The following WNK1 variants were observed in gnomAD, a reference collection of about 807,000 sequenced individuals.
WNK1 encodes the protein serine/threonine-protein kinase WNK1.
WNK1 carries 38 observed loss-of-function variants against 222.8 expected under a neutral mutation model. That is an observed-to-expected ratio of 0.17 (90% CI 0.13 to 0.22). WNK1 has a LOEUF of 0.22. Among genes scored for constraint, WNK1 ranks in the 10% least tolerant of loss-of-function variants. The probability of loss-of-function intolerance (pLI) is 1.00; values close to 1 mark genes in which losing one functional copy is unlikely to be tolerated. For synonymous variants in WNK1, 1,090 were observed against 1,092.9 expected (o/e 1.00, Z 0.05); for missense variants, 2,348 against 2,918.4 (o/e 0.80, Z 4.50).
chr12:849,875 T>C (rs1950294185), intron 4 of WNK1, among the ~76,000 whole-genome samples: 1 of 152,082 alleles, frequency 6.6e-6, no homozygotes, highest in South Asian at 2.1e-4. Context: ...GCTTCATCCA[T>C]GTCCCTACAA....
intron 1 of WNK1, among the ~76,000 whole-genome samples, chr12:765,657 A>G (rs1028831022): frequency 3.9e-5 from 6 of 152,140 alleles, no homozygotes; most frequent in African/African-American, 9.7e-5. Flanking sequence ...AGGACTGTGC[A>G]TGGTGGCTCA....
At chr12:781,111 A>G (rs576447051) in intron 1 of WNK1, 2 of 154,866 alleles carry the variant, frequency 1.3e-5, no homozygotes, top group South Asian at 3.6e-4. Flanking sequence ...AACAACAACA[A>G]CAACAACAAC....
intron 1 of WNK1, among the ~76,000 whole-genome samples, chr12:791,576 T>A (rs1043281434): frequency 6.7e-6 from 1 of 150,126 alleles, no homozygotes; most frequent in African/African-American, 2.4e-5. Flanking sequence ...AAAAAAAAAC[T>A]ACATTTCCTA....
chr12:857,351 TG>T (rs1950864301), intron 5 of WNK1, 102 bp downstream of exon 5: 1 of 1,104,204 alleles, frequency 9.1e-7, no homozygotes, highest in Non-Finnish European at 1.4e-6. Context: ...TATTTGTGAT[TG>T]GTTTCTCTAT....
At chr12:813,404 A>C (rs1226880247) in intron 1 of WNK1, among the ~76,000 whole-genome samples, 5 of 152,238 alleles carry the variant, frequency 3.3e-5, no homozygotes, top group African/African-American at 1.2e-4. Context: ...TGGATATGGA[A>C]AGTTAACTGC....
intron 8 of WNK1, among the ~76,000 whole-genome samples, chr12:865,642 A>G (rs1017195175): frequency 1.3e-5 from 2 of 152,206 alleles, no homozygotes; most frequent in Non-Finnish European, 2.9e-5. Context: ...CCTGTTTCCT[A>G]TCGACATAAA....
Position 884,085 on chromosome 12 carries a change from C to T in WNK1, c.3722-36C>T. ...TCTAACAATATTTATAATAATAATG[C>T]TATTAAGTTACGTTTGTTTGTTTGT... On this transcript the variant is annotated intron_variant, in intron 17 of 27. Transcript: ENST00000315939. This position sits in a 1 kb window ranked among gnomAD's most constrained non-coding sequence, Gnocchi z 5.6. The T allele has an allele frequency of 6.2e-7, 1 of 1,613,282 alleles. No individual in the cohort carries two copies. The highest frequency in any genetic ancestry group is 8.5e-7 in the Non-Finnish European group (1 of 1,179,480).
intron 1 of WNK1, among the ~76,000 whole-genome samples, chr12:780,173 G>T (rs556685379): frequency 6.6e-6 from 1 of 152,112 alleles, no homozygotes; most frequent in Non-Finnish European, 1.5e-5. Context: ...GTCTAATTCC[G>T]TTTTAACTTC....
Position 753,406 on chromosome 12 carries a change from C to T in WNK1, c.-160C>T, listed in dbSNP as rs1000764487. On this transcript the variant is annotated 5_prime_UTR_variant, in exon 1 of 28. Transcript: ENST00000315939. The surrounding 1 kb of genome is among the most constrained non-coding windows in gnomAD (Gnocchi z 5.2). ...CAGCTGGGCCCAGCGGTCCGCCTGT[C>T]CCTCGTTGCGGCTTGTCGGTGCTGA... 8.7e-6 allele frequency: 8 copies of T among 920,064 alleles called. No individual in the cohort carries two copies. The Middle Eastern group carries it at 1.3e-3, about 154-fold the overall frequency. The allele number at this position is 920,064 out of a possible 1,614,324, so 57.0% of individuals were successfully genotyped here. A position where few individuals can be genotyped will look rare whatever the true frequency, so the allele number is the denominator to read the frequency against.
chr12:896,511 T>C lies in WNK1; in HGVS notation c.6024T>C (p.Asn2008=). 6.2e-7 allele frequency: 1 copy of C among 1,613,746 alleles called. No homozygotes were observed. Among genetic ancestry groups the C allele is most frequent in the Non-Finnish European group, 8.5e-7 (1 of 1,179,952 alleles). The change falls in exon 24 of 28, where the codon AAT becomes AAC. Residue 2008 remains asparagine, a synonymous_variant. Coordinates refer to ENST00000315939, the MANE Select transcript of WNK1 (RefSeq NM_018979.4). ...KPELSEPSHL[N]GPSSDPEAAF... The stretch of plus-strand genomic sequence containing the variant: ...AACTGTCAGAGCCTTCACATCTAAA[T>C]GGGCCGTCTTCTGACCCGGAGGCCG...
chr12:805,603 G>A (rs929591844), intron 1 of WNK1, among the ~76,000 whole-genome samples: 3 of 152,256 alleles, frequency 2.0e-5, no homozygotes, highest in African/African-American at 7.2e-5. Context: ...AGTCTTATGT[G>A]AGAGTATCTA....
At chr12:840,323 G>T (rs1411490690) in intron 4 of WNK1, among the ~76,000 whole-genome samples, 1 of 142,446 alleles carries the variant, frequency 7.0e-6, no homozygotes, top group Non-Finnish European at 1.5e-5. Flanking sequence ...GTAGAGGTGG[G>T]GTCTCACTAT....
At chr12:901,619 G>A (rs1022200346) in intron 26 of WNK1, 16 of 1,288,984 alleles carry the variant, frequency 1.2e-5, no homozygotes, top group Admixed American at 2.3e-5. Context: ...GTGGCAGGAG[G>A]ACCCGATTTC....
Position 907,038 on chromosome 12 carries a change from A to AAAAAAAAAAAAAT in WNK1, c.6644-809_6644-808insAAAAAAAAAAAAT, listed in dbSNP as rs1555163543. Reference sequence around the variant, plus strand: ...GACCCTTCCTTTAAAAAAAAAAAAAAGCCGGGCGTGGTGGCTCACGTCTGT... The same window carrying AAAAAAAAAAAAAT: ...GACCCTTCCTTTAAAAAAAAAAAAAAAAAAAAAAAAAATGCCGGGCGTGGTGGCTCACGTCTGT... On this transcript the variant is annotated intron_variant, in intron 26 of 27. Transcript: ENST00000315939. Among the ~76,000 whole-genome samples, 6 of 139,872 alleles carry AAAAAAAAAAAAAT rather than the reference A, an allele frequency of 4.3e-5. No individual in the cohort carries two copies. In the Admixed American group the frequency reaches 4.3e-4, roughly 10 times the overall value. The allele number at this position is 139,872 out of a possible 152,430, so 91.8% of individuals were successfully genotyped here. A position where few individuals can be genotyped will look rare whatever the true frequency, so the allele number is the denominator to read the frequency against.
Position 883,514 on chromosome 12 carries a change from T to A in WNK1, c.3609T>A (p.Asp1203Glu). ...ATGTCAGTGTGGAACCAGAGGGTGA[T>A]CAGGGATTGGAGAGTCTACAAGGAA... Reference protein sequence around the residue: ...SEDVSVEPEGDQGLESLQGKD... With the variant: ...SEDVSVEPEGEQGLESLQGKD... Residue 1203 changes from aspartate to glutamate, a missense_variant, in exon 16 of 28, where the codon GAT becomes GAA. By Grantham distance (45) the Asp-to-Glu change is conservative (BLOSUM62 2). Transcript: ENST00000315939. 1 of 1,614,170 alleles carries A rather than the reference T, an allele frequency of 6.2e-7. No individual in the cohort carries two copies. Among genetic ancestry groups the A allele is most frequent in the Non-Finnish European group, 8.5e-7 (1 of 1,180,010 alleles).
chr12:821,361 T>A (rs769857500), intron 2 of WNK1, among the ~76,000 whole-genome samples: 1 of 152,210 alleles, frequency 6.6e-6, no homozygotes, highest in Non-Finnish European at 1.5e-5. Flanking sequence ...AGAAAGTGTT[T>A]CCTCCACTTT....
At chr12:766,623 C>T (rs193281258) in intron 1 of WNK1, among the ~76,000 whole-genome samples, 115 of 149,024 alleles carry the variant, frequency 7.7e-4, no homozygotes, top group Middle Eastern at 7.4e-3. Flanking sequence ...GGACTACAGG[C>T]GCGCACCACC....
intron 1 of WNK1, among the ~76,000 whole-genome samples, chr12:788,048 T>G (rs1458798709): frequency 2.0e-5 from 3 of 152,170 alleles, no homozygotes; most frequent in African/African-American, 7.2e-5. Context: ...GAGCTGATGC[T>G]GCACCTTTAG....
At chr12:888,473 T>G (rs1012884450) in intron 20 of WNK1, among the ~76,000 whole-genome samples, 5 of 152,184 alleles carry the variant, frequency 3.3e-5, no homozygotes, top group Non-Finnish European at 7.3e-5. Context: ...AAATAGCTAG[T>G]GCCTAGATAG....
Sources: allele counts gnomAD v4.1 joint callset (sites outside exome capture counted in the v4.1 genomes callset), GRCh38; gene constraint gnomAD v4.1.1; non-coding constraint Gnocchi (gnomAD v3.1); transcripts MANE v1.5; gene names NCBI Gene and HGNC (gene_info 2026-07-23, HGNC 2026-07-21).